Variants in ANOS1 observed in about 807,000 individuals in gnomAD.
ANOS1 encodes anosmin 1, also known as anosmin-1.
Under a neutral mutation model 59.0 loss-of-function variants are expected in ANOS1, and 6 were observed. The ratio of observed to expected loss-of-function variants is 0.10; its 90% CI spans 0.06 to 0.20. The LOEUF (loss-of-function observed/expected upper bound fraction) is 0.20, where lower values mean the gene tolerates loss of function less well. Among genes scored for constraint, ANOS1 ranks in the 10% least tolerant of loss-of-function variants. The pLI is 1.00. For missense variants in ANOS1, 433 were observed against 542.3 expected (o/e 0.80, Z 2.00); for synonymous variants, 217 against 223.4 (o/e 0.97, Z 0.25).
intron 2 of ANOS1, among the ~76,000 whole-genome samples, chrX:8,648,457 T>C (rs1376201233): frequency 4.0e-5 from 2 of 50,091 alleles, no homozygotes; most frequent in African/African-American, 2.6e-4. Flanking sequence ...CAAAATTCCG[T>C]CAAAAAAAAA....
chrX:8,595,777 C>T (rs1473207834), intron 4 of ANOS1, among the ~76,000 whole-genome samples: 1 of 111,296 alleles, frequency 9.0e-6, no homozygotes, highest in Non-Finnish European at 1.9e-5. Context: ...CCCCAGCTCC[C>T]GGGCCACTGA....
chrX:8,673,739 G>A (rs1429858333), intron 2 of ANOS1, among the ~76,000 whole-genome samples: 7 of 111,531 alleles, frequency 6.3e-5, no homozygotes, highest in Admixed American at 1.9e-4. Context: ...AAGTGGTCAC[G>A]TTAGGTAAGT....
At chrX:8,676,100 A>G (rs1260121110) in intron 2 of ANOS1, among the ~76,000 whole-genome samples, 3 of 111,096 alleles carry the variant, frequency 2.7e-5, no homozygotes, top group Admixed American at 1.9e-4. Context: ...TATCCGGTGT[A>G]TCATATATTT....
intron 8 of ANOS1, among the ~76,000 whole-genome samples, chrX:8,561,330 C>T (rs1369128202): frequency 4.5e-5 from 5 of 110,796 alleles, no homozygotes; most frequent in Non-Finnish European, 7.6e-5. Context: ...GACGGAGTCT[C>T]GCTTTGTCAC....
intron 3 of ANOS1, among the ~76,000 whole-genome samples, chrX:8,597,658 CTTTTTTTTTTTTTTTTTT>C (rs35836743): frequency 4.0e-5 from 1 of 25,146 alleles, no homozygotes; most frequent in Non-Finnish European, 7.0e-5. Flanking sequence ...TTCTTTCTCC[CTTTTTTTTTTTTTTTTTT>C]TTTTTTTTTT....
At chrX:8,594,761 TA>T (rs1255231060) in intron 4 of ANOS1, among the ~76,000 whole-genome samples, 1 of 82,899 alleles carries the variant, frequency 1.2e-5, no homozygotes, top group African/African-American at 4.5e-5. Flanking sequence ...CATATATATA[TA>T]TATATTTTTT....
At chrX:8,722,922 C>T (rs1932885434) in intron 1 of ANOS1, among the ~76,000 whole-genome samples, 1 of 111,489 alleles carries the variant, frequency 9.0e-6, no homozygotes, top group African/African-American at 3.3e-5. Flanking sequence ...GGTACCACAT[C>T]GTGGTTCGAC....
chrX:8,687,297 T>C (rs944285291), intron 2 of ANOS1, among the ~76,000 whole-genome samples: 4 of 111,063 alleles, frequency 3.6e-5, no homozygotes, highest in African/African-American at 1.3e-4. Context: ...AGTTTCATAT[T>C]CTACTACTTG....
intron 2 of ANOS1, among the ~76,000 whole-genome samples, chrX:8,652,872 T>G (rs1056097325): frequency 1.2e-4 from 13 of 111,131 alleles, no homozygotes; most frequent in Non-Finnish European, 1.5e-4. Flanking sequence ...ATTTTTATTT[T>G]TGAGACAGAG....
At chrX:8,640,455 G>C (rs1361183665) in intron 2 of ANOS1, among the ~76,000 whole-genome samples, 5 of 110,526 alleles carry the variant, frequency 4.5e-5, no homozygotes, top group African/African-American at 1.6e-4. Flanking sequence ...TGGCCCCACC[G>C]AATCAATTCG....
intron 2 of ANOS1, among the ~76,000 whole-genome samples, chrX:8,668,448 T>C (rs866885225): frequency 7.5e-4 from 70 of 93,630 alleles, no homozygotes; most frequent in Non-Finnish European, 1.3e-3. Context: ...CATACATATA[T>C]ATATATGGTA....
At chrX:8,677,450 T>A in intron 2 of ANOS1, among the ~76,000 whole-genome samples, 1 of 111,879 alleles carries the variant, frequency 8.9e-6, no homozygotes, top group Middle Eastern at 4.6e-3. Flanking sequence ...CGGAATTGCT[T>A]TAAAATTTAC....
Position 8,533,055 on chromosome X carries a change from T to TA in ANOS1, c.1985-3dup. The TA allele has an allele frequency of 1.8e-6, 2 of 1,097,995 alleles. No individual in the cohort carries two copies. Among genetic ancestry groups the TA allele is most frequent in the Non-Finnish European group, 2.5e-6 (2 of 792,041 alleles). 90.5% of individuals were successfully genotyped at this position (1,097,995 alleles called of 1,213,427 possible). ...GATGACGATGCTTAAGATGAGATCC[T>TA]AAAAAGTGACAAAATATGTCAGTCA... On this transcript the variant is annotated splice_polypyrimidine_tract_variant and splice_region_variant and intron_variant, in intron 13 of 13. Transcript: ENST00000262648.
At chrX:8,570,030 C>T (rs764572117) in intron 7 of ANOS1, among the ~76,000 whole-genome samples, 4 of 109,658 alleles carry the variant, frequency 3.6e-5, no homozygotes, top group Admixed American at 9.8e-5. Context: ...TATTGTGAGA[C>T]GTGGCCTTCC....
intron 6 of ANOS1, among the ~76,000 whole-genome samples, chrX:8,581,126 G>A (rs1383612328): frequency 4.5e-5 from 5 of 110,018 alleles, no homozygotes; most frequent in South Asian, 3.8e-4. Flanking sequence ...TGTCCCCACC[G>A]AAATCTCAAC....
intron 8 of ANOS1, among the ~76,000 whole-genome samples, chrX:8,561,974 C>T (rs1436878697): frequency 1.8e-5 from 2 of 110,521 alleles, no homozygotes; most frequent in East Asian, 2.9e-4. Context: ...CTCACTCTGT[C>T]GCCCAAGCTG....
chrX:8,582,804 G>A (rs1930449404), intron 6 of ANOS1, among the ~76,000 whole-genome samples: 2 of 111,914 alleles, frequency 1.8e-5, no homozygotes, highest in African/African-American at 6.5e-5. Context: ...CCAGGAGGCA[G>A]AAGTGGGGAT....
chrX:8,597,089 T>C lies in ANOS1; in HGVS notation c.486A>G (p.Lys162=). 3 of 1,211,274 alleles carry C rather than the reference T, an allele frequency of 2.5e-6. No individual in the cohort carries two copies. Among genetic ancestry groups the C allele is most frequent in the South Asian group, 3.5e-5 (2 of 56,945 alleles). Residue 162 remains lysine (K), a synonymous_variant, in exon 4 of 14, where the codon AAA becomes AAG. Transcript: ENST00000262648. ...EVDNECSGVK[K]CCSNGCGHTC... ...TGTGTCCACACCCATTCGAACAACATTTCTTCACCCCAGAGCACTCATTGT... is the reference window on the plus strand; with the variant it reads ...TGTGTCCACACCCATTCGAACAACACTTCTTCACCCCAGAGCACTCATTGT...
chrX:8,696,131 C>A (rs1932682063), intron 2 of ANOS1, among the ~76,000 whole-genome samples: 1 of 112,062 alleles, frequency 8.9e-6, no homozygotes, highest in Non-Finnish European at 1.9e-5. Flanking sequence ...TCTTTCTTGT[C>A]AGTTATTCTC....
Sources: allele counts gnomAD v4.1 joint callset (sites outside exome capture counted in the v4.1 genomes callset), GRCh38; gene constraint gnomAD v4.1.1; transcripts MANE v1.5; gene names NCBI Gene and HGNC (gene_info 2026-07-23, HGNC 2026-07-21).